Variants in LRRC18 observed in about 807,000 individuals in gnomAD.
LRRC18 encodes leucine-rich repeat-containing protein 18.
A neutral mutation model predicts 11.2 loss-of-function variants in LRRC18; 12 were observed. The observed-to-expected ratio is 1.07, with a 90% CI of 0.69 to 1.74. LRRC18 has a LOEUF of 1.74. Ranked by LOEUF, LRRC18 falls within the 40% of genes most tolerant of loss-of-function variation. The pLI is 0.00. For missense variants in LRRC18, 374 were observed against 330.5 expected (o/e 1.13, Z -1.02); for synonymous variants, 155 against 130.6 (o/e 1.19, Z -1.27).
At chr10:48,928,055 C>T in the LRRC18 span, among the ~76,000 whole-genome samples, 2 of 152,146 alleles carry the variant, frequency 1.3e-5, no homozygotes, top group African/African-American at 4.8e-5. Context: ...TTCCATTCCA[C>T]CCAATGTGTT....
At chr10:48,923,837 T>C in the LRRC18 span, among the ~76,000 whole-genome samples, 2 of 152,106 alleles carry the variant, frequency 1.3e-5, no homozygotes, top group Non-Finnish European at 2.9e-5. Context: ...AAAATTCAGC[T>C]CAGGGAGGCC....
the LRRC18 span, among the ~76,000 whole-genome samples, chr10:48,930,487 C>T: frequency 5.3e-5 from 8 of 152,248 alleles, no homozygotes; most frequent in South Asian, 1.7e-3. Flanking sequence ...TTGAGGCCAC[C>T]TTAACTGGGT....
At chr10:48,927,935 C>T in the LRRC18 span, among the ~76,000 whole-genome samples, 5 of 152,290 alleles carry the variant, frequency 3.3e-5, no homozygotes, top group Non-Finnish European at 5.9e-5. Flanking sequence ...CTAGAAATGC[C>T]TTGTTCATCC....
chr10:48,937,451 T>C, the LRRC18 span, among the ~76,000 whole-genome samples: 1 of 152,342 alleles, frequency 6.6e-6, no homozygotes, highest in Non-Finnish European at 1.5e-5. Context: ...TCGGTGTTTA[T>C]GCTGGCTGCT....
the LRRC18 span, among the ~76,000 whole-genome samples, chr10:48,927,374 T>TG: frequency 6.6e-6 from 1 of 151,932 alleles, no homozygotes; most frequent in Non-Finnish European, 1.5e-5. Flanking sequence ...TTGTGGGTGG[T>TG]GGGGGGAGGG....
At chr10:48,926,349 C>T in the LRRC18 span, among the ~76,000 whole-genome samples, 1 of 152,232 alleles carries the variant, frequency 6.6e-6, no homozygotes, top group Non-Finnish European at 1.5e-5. Context: ...GGTGATGAGA[C>T]ACTTGCTCCA....
the LRRC18 span, among the ~76,000 whole-genome samples, chr10:48,930,442 A>C: frequency 6.6e-6 from 1 of 152,346 alleles, no homozygotes; most frequent in African/African-American, 2.4e-5. Flanking sequence ...GAACAAGTGC[A>C]CTATGGGGCT....
intron 1 of LRRC18, among the ~76,000 whole-genome samples, chr10:48,911,306 G>T (rs916452364): frequency 1.3e-5 from 2 of 152,174 alleles, no homozygotes; most frequent in Non-Finnish European, 2.9e-5. Flanking sequence ...CGGGAAATGG[G>T]TTCTCTACTA....
At chr10:48,912,179 C>T (rs1838066656) in intron 1 of LRRC18, among the ~76,000 whole-genome samples, 2 of 152,340 alleles carry the variant, frequency 1.3e-5, no homozygotes, top group East Asian at 3.9e-4. Context: ...GACTTGGTTG[C>T]TGTCATTTTC....
the LRRC18 span, among the ~76,000 whole-genome samples, chr10:48,927,616 C>T: frequency 6.6e-6 from 1 of 152,162 alleles, no homozygotes; most frequent in Non-Finnish European, 1.5e-5. Context: ...GCTTTGTCTG[C>T]CCCTAGTATT....
At chr10:48,932,645 TA>T in the LRRC18 span, 28,800 of 96,480 alleles carry the variant, frequency 0.3, 2,928 homozygotes, top group Non-Finnish European at 0.33. Flanking sequence ...AGAGAGCAAA[TA>T]AAAAAAAAAA....
the LRRC18 span, among the ~76,000 whole-genome samples, chr10:48,931,155 G>A: frequency 1.3e-5 from 2 of 152,034 alleles, no homozygotes; most frequent in African/African-American, 4.8e-5. Flanking sequence ...TCCTCTTAGA[G>A]GACAGGGTGG....
chr10:48,933,536 G>C, the LRRC18 span, among the ~76,000 whole-genome samples: 1 of 152,232 alleles, frequency 6.6e-6, no homozygotes, highest in Non-Finnish European at 1.5e-5. Flanking sequence ...ATGCTGGCAG[G>C]AGCTGAGCTA....
the LRRC18 span, among the ~76,000 whole-genome samples, chr10:48,922,329 G>C: frequency 6.6e-6 from 1 of 152,178 alleles, no homozygotes; most frequent in East Asian, 1.9e-4. Flanking sequence ...TCGTCACTTA[G>C]TAGCTGTCCT....
At chr10:48,929,033 T>C in the LRRC18 span, among the ~76,000 whole-genome samples, 1 of 152,090 alleles carries the variant, frequency 6.6e-6, no homozygotes, top group Non-Finnish European at 1.5e-5. Flanking sequence ...GATAGAGACA[T>C]AGAGATTAGA....
intron 1 of LRRC18, among the ~76,000 whole-genome samples, chr10:48,912,439 C>G (rs1398578813): frequency 6.6e-6 from 1 of 152,202 alleles, no homozygotes; most frequent in African/African-American, 2.4e-5. Flanking sequence ...TGGACCTAGA[C>G]CTGTCCAACC....
the LRRC18 span, among the ~76,000 whole-genome samples, chr10:48,924,084 A>G: frequency 2.0e-5 from 3 of 152,258 alleles, no homozygotes; most frequent in Admixed American, 2.0e-4. Context: ...AAGCCTGCCC[A>G]TTAATCACCT....
At chr10:48,920,625 T>G in the LRRC18 span, among the ~76,000 whole-genome samples, 2 of 152,234 alleles carry the variant, frequency 1.3e-5, no homozygotes, top group Non-Finnish European at 2.9e-5. Flanking sequence ...GAGCACACTT[T>G]CACTATGTCT....
At chr10:48,932,480 A>G in the LRRC18 span, 4 of 152,126 alleles carry the variant, frequency 2.6e-5, no homozygotes, top group African/African-American at 9.7e-5. Flanking sequence ...TTATCCCTAT[A>G]CTCACTTTTA....
Sources: gnomAD v4.1 joint callset for allele counts (sites outside exome capture counted in the v4.1 genomes callset) on GRCh38, gnomAD v4.1.1 for gene constraint, MANE v1.5 for transcripts, NCBI Gene and HGNC (gene_info 2026-07-23, HGNC 2026-07-21) for gene names.